PHAX: variants seen among roughly 807,000 people sequenced by gnomAD.
The protein encoded by PHAX is phosphorylated adaptor for RNA export, also known as phosphorylated adapter RNA export protein.
A neutral mutation model predicts 41.6 loss-of-function variants in PHAX; 31 were observed. The ratio of observed to expected loss-of-function variants is 0.75; its 90% CI spans 0.56 to 1.01. The LOEUF is 1.01. Among genes scored for constraint, PHAX ranks in the 50% least tolerant of loss-of-function variants. The pLI is 0.00. For missense variants in PHAX, 453 were observed against 472.9 expected (o/e 0.96, Z 0.39); for synonymous variants, 175 against 164.9 (o/e 1.06, Z -0.47).
At chr5:126,603,397 A>G (rs1220751996) in intron 1 of PHAX, among the ~76,000 whole-genome samples, 173 bp from the exon 2 acceptor site, 1 of 152,250 alleles carries the variant, frequency 6.6e-6, no homozygotes, top group Non-Finnish European at 1.5e-5. Context: ...TGGCTTTTAA[A>G]TTGGCAAATT....
At chr5:126,623,894 GCTT>G (rs1318083522) in intron 4 of PHAX, among the ~76,000 whole-genome samples, 2 of 151,952 alleles carry the variant, frequency 1.3e-5, no homozygotes, top group African/African-American at 4.8e-5. Flanking sequence ...GCCTACACTA[GCTT>G]CTTTTTTAAA....
rs761125079 is a variant in PHAX at position 126,609,095 on chromosome 5, A to ATTTTTTTTTTTTTTTTTTTTTTT, written c.831+612_831+634dup. ...ATGATTTGTTAAAGGTAGGGGTTGA[A>ATTTTTTTTTTTTTTTTTTTTTTT]TTTTTTTTTTTTTTTTTTTTTTTGA... is the stretch of plus-strand genomic sequence containing the variant. On this transcript the variant is annotated intron_variant, in intron 3 of 4. Coordinates refer to ENST00000297540, the MANE Select transcript of PHAX (RefSeq NM_032177.4). Among the ~76,000 whole-genome samples the ATTTTTTTTTTTTTTTTTTTTTTT allele has an allele frequency of 2.1e-4, 21 of 101,234 alleles. 2 individuals carry two copies. Among genetic ancestry groups the ATTTTTTTTTTTTTTTTTTTTTTT allele is most frequent in the African/African-American group, 9.0e-4 (19 of 20,998 alleles). The allele number at this position is 101,234 out of a possible 152,430, so 66.4% of individuals were successfully genotyped here. A position where few individuals can be genotyped will look rare whatever the true frequency, so the allele number is the denominator to read the frequency against.
In PHAX at chr5:126,617,266, G is replaced by C. The variant is rs776000263; in HGVS notation, c.848G>C (p.Arg283Thr). 1 of 1,610,156 alleles carries C rather than the reference G, an allele frequency of 6.2e-7. No homozygotes were observed. ...TTTTTGTAGAATGGTAGTCGAAGAA[G>C]AACACCAGGTGGAGTTTTTCTGAAT... ...GLFIMNGSRR[R>T]TPGGVFLNLL... The change falls in exon 4 of 5, where the codon AGA (arginine) becomes ACA (threonine). Residue 283 changes from arginine to threonine, a missense_variant. Transcript: ENST00000297540.
Position 126,624,967 on chromosome 5 carries a change from T to C in PHAX, c.*123T>C. On this transcript the variant is annotated 3_prime_UTR_variant, in exon 5 of 5. Coordinates refer to ENST00000297540, the MANE Select transcript of PHAX (RefSeq NM_032177.4). ...GAATCTGGAGGAAAGACAATTGTTT[T>C]CTTGTTTAAAATATGTGTGGAAAGG... 1.1e-6 allele frequency: 1 copy of C among 879,616 alleles called. No individual in the cohort carries two copies. 54.5% of individuals were successfully genotyped at this position (879,616 alleles called of 1,614,324 possible). A position where few individuals can be genotyped will look rare whatever the true frequency, so the allele number is the denominator to read the frequency against.
chr5:126,619,035 A>G (rs1026173809), intron 4 of PHAX, among the ~76,000 whole-genome samples: 6 of 152,016 alleles, frequency 3.9e-5, no homozygotes, highest in African/African-American at 9.7e-5. Context: ...CTGGTCTTAG[A>G]TGACCCTCAG....
At chr5:126,622,644 C>T (rs142978867) in intron 4 of PHAX, among the ~76,000 whole-genome samples, 4 of 151,880 alleles carry the variant, frequency 2.6e-5, no homozygotes, top group South Asian at 2.1e-4. Flanking sequence ...AGGGCAGTTT[C>T]GTAAAATTTA....
intron 2 of PHAX, among the ~76,000 whole-genome samples, chr5:126,607,042 T>G (rs1169817969): frequency 6.6e-6 from 1 of 152,206 alleles, no homozygotes; most frequent in Non-Finnish European, 1.5e-5. Context: ...TTTACCAAGT[T>G]CAGATTTTGA....
At chr5:126,603,074 CA>C (rs200469175) in intron 1 of PHAX, among the ~76,000 whole-genome samples, 34,924 of 120,980 alleles carry the variant, frequency 0.29, 5,257 homozygotes, top group African/African-American at 0.46. Flanking sequence ...CCAAAAAATG[CA>C]AAAAAAAAAA....
At chr5:126,601,882 G>T (rs1246116161) in intron 1 of PHAX, among the ~76,000 whole-genome samples, 1 of 152,218 alleles carries the variant, frequency 6.6e-6, no homozygotes, top group Non-Finnish European at 1.5e-5. Flanking sequence ...GCCCAGGCTG[G>T]TCTCGAACTC....
intron 3 of PHAX, among the ~76,000 whole-genome samples, chr5:126,613,128 C>T (rs2112833896): frequency 6.6e-6 from 1 of 152,300 alleles, no homozygotes; most frequent in East Asian, 1.9e-4. Context: ...ACGGGCATAT[C>T]ACCTGAGGTC....
At chr5:126,615,747 T>TA (rs1477492836) in intron 3 of PHAX, among the ~76,000 whole-genome samples, 2 of 152,142 alleles carry the variant, frequency 1.3e-5, no homozygotes, top group African/African-American at 4.8e-5. Flanking sequence ...CCAAGATACA[T>TA]ACAAGGTTAT....
chr5:126,614,718 G>A (rs748660913), intron 3 of PHAX, among the ~76,000 whole-genome samples: 10 of 151,552 alleles, frequency 6.6e-5, no homozygotes, highest in Non-Finnish European at 1.3e-4. Context: ...GAGGCTACCC[G>A]GACCACACCT....
intron 3 of PHAX, among the ~76,000 whole-genome samples, chr5:126,615,061 T>G (rs188922359): frequency 6.6e-6 from 1 of 152,132 alleles, no homozygotes; most frequent in Non-Finnish European, 1.5e-5. Flanking sequence ...CTAACACACT[T>G]GTTTTTACAC....
rs1752333065 is a variant in PHAX at position 126,625,439 on chromosome 5, A to C, written c.*595A>C. On this transcript the variant is annotated 3_prime_UTR_variant, in exon 5 of 5. Transcript: ENST00000297540. The stretch of plus-strand genomic sequence containing the variant: ...TGGTGAAACTTCATCTCTACTAAAA[A>C]TACAAAAACTAGCCAGGTGTGGTTC... The C allele has an allele frequency of 6.6e-6, 1 of 152,194 alleles. No homozygotes were observed. Among genetic ancestry groups the C allele is most frequent in the African/African-American group, 2.4e-5 (1 of 41,422 alleles). The allele number at this position is 152,194 out of a possible 1,614,324, so 9.4% of individuals were successfully genotyped here. A position where few individuals can be genotyped will look rare whatever the true frequency, so the allele number is the denominator to read the frequency against.
At chr5:126,603,447 A>G (rs1013941424) in intron 1 of PHAX, 123 bp from the exon 2 acceptor site, 18 of 1,070,826 alleles carry the variant, frequency 1.7e-5, no homozygotes, top group Middle Eastern at 2.4e-4. Flanking sequence ...GATTGGTCTC[A>G]GATTTGTCTT....
At chr5:126,614,161 C>A (rs1752149350) in intron 3 of PHAX, among the ~76,000 whole-genome samples, 1 of 152,090 alleles carries the variant, frequency 6.6e-6, no homozygotes, top group African/African-American at 2.4e-5. Flanking sequence ...TACAGTGTTG[C>A]CATCTCAGCT....
At chr5:126,602,414 A>G (rs1043287058) in intron 1 of PHAX, among the ~76,000 whole-genome samples, 1 of 152,202 alleles carries the variant, frequency 6.6e-6, no homozygotes, top group Non-Finnish European at 1.5e-5. Context: ...ACCTCTGTGG[A>G]ATTGGCATGA....
chr5:126,608,011 A>G (rs1581417398), intron 2 of PHAX, among the ~76,000 whole-genome samples: 1 of 152,208 alleles, frequency 6.6e-6, no homozygotes, highest in Non-Finnish European at 1.5e-5. Context: ...TTTAGGCGTA[A>G]TAATTGAAAG....
chr5:126,604,209 A>G (rs1265174507), intron 2 of PHAX, 26 bp downstream of exon 2: 4 of 1,505,066 alleles, frequency 2.7e-6, no homozygotes, highest in East Asian at 2.3e-5. Flanking sequence ...ACAAATAAGT[A>G]CTTGACCAGA....
Sources: gnomAD v4.1 joint callset for allele counts (sites outside exome capture counted in the v4.1 genomes callset) on GRCh38, gnomAD v4.1.1 for gene constraint, MANE v1.5 for transcripts, NCBI Gene and HGNC (gene_info 2026-07-23, HGNC 2026-07-21) for gene names.